Variants in F2R observed in about 807,000 individuals in gnomAD.
The protein encoded by F2R is coagulation factor II thrombin receptor.
F2R carries 12 observed loss-of-function variants against 18.3 expected under a neutral mutation model. The observed-to-expected ratio is 0.66, with a 90% CI of 0.42 to 1.06. The LOEUF is 1.06. Among genes scored for constraint, F2R ranks in the 50% least tolerant of loss-of-function variants. F2R has a pLI of 0.00. For synonymous variants in F2R, 210 were observed against 219.9 expected (o/e 0.95, Z 0.40); for missense variants, 438 against 530.8 (o/e 0.83, Z 1.72).
At chr5:76,716,435 C>T in intron 1 of F2R, 40 bp downstream of exon 1, 7 of 1,383,606 alleles carry the variant, frequency 5.1e-6, no homozygotes, top group Admixed American at 3.2e-5. Flanking sequence ...GGCGGAGGGA[C>T]GCCGAGGGGA....
At chr5:76,725,334 A>G (rs1324700435) in intron 1 of F2R, among the ~76,000 whole-genome samples, 1 of 152,234 alleles carries the variant, frequency 6.6e-6, no homozygotes, top group Admixed American at 6.5e-5. Flanking sequence ...AGAGCAATTT[A>G]GAAGAGCCTA....
At position 76,733,133 on chromosome 5, in the gene F2R, C is replaced by T. The variant is rs1254419720; in HGVS notation, c.908C>T (p.Ala303Val). 6.2e-7 allele frequency: 1 copy of T among 1,614,084 alleles called. No homozygotes were observed. The highest frequency in any genetic ancestry group is 8.5e-7 in the Non-Finnish European group (1 of 1,180,042). The change falls in exon 2 of 2, where the codon GCC (alanine) becomes GTC (valine). Residue 303 changes from alanine (A) to valine (V), a missense_variant. Coordinates refer to ENST00000319211, the MANE Select transcript of F2R (RefSeq NM_001992.5). ...CGATGTCTTAGCTCTTCCGCAGTTGCCAACCGCAGCAAGAAGTCCCGGGCT... is the reference window on the plus strand; with the variant it reads ...CGATGTCTTAGCTCTTCCGCAGTTGTCAACCGCAGCAAGAAGTCCCGGGCT... ...IIRCLSSSAV[A>V]NRSKKSRALF...
intron 1 of F2R, among the ~76,000 whole-genome samples, chr5:76,723,946 A>T (rs1305549463): frequency 6.6e-6 from 1 of 152,222 alleles, no homozygotes; most frequent in Non-Finnish European, 1.5e-5. Flanking sequence ...CAAATCCCAG[A>T]TATCATATTA....
intron 1 of F2R, among the ~76,000 whole-genome samples, chr5:76,726,736 CA>C (rs1748567091): frequency 6.6e-6 from 1 of 152,092 alleles, no homozygotes; most frequent in East Asian, 1.9e-4. Context: ...AGCATTTTTG[CA>C]TATGCATGTT....
At chr5:76,720,715 A>G (rs1374086902) in intron 1 of F2R, among the ~76,000 whole-genome samples, 1 of 152,046 alleles carries the variant, frequency 6.6e-6, no homozygotes, top group Non-Finnish European at 1.5e-5. Context: ...TTTTTTCTCT[A>G]TGGATTTACC....
chr5:76,723,740 A>G (rs1748509193), intron 1 of F2R, among the ~76,000 whole-genome samples: 1 of 152,232 alleles, frequency 6.6e-6, no homozygotes, highest in Non-Finnish European at 1.5e-5. Context: ...CTTAACTTCT[A>G]GTGGCAAATA....
At chr5:76,728,114 T>C (rs1748604493) in intron 1 of F2R, among the ~76,000 whole-genome samples, 1 of 152,148 alleles carries the variant, frequency 6.6e-6, no homozygotes, top group Non-Finnish European at 1.5e-5. Context: ...ACATAATGTT[T>C]TGAAATATGC....
chr5:76,727,459 A>T (rs1438730214), intron 1 of F2R, among the ~76,000 whole-genome samples: 1 of 152,324 alleles, frequency 6.6e-6, no homozygotes, highest in East Asian at 1.9e-4. Flanking sequence ...GGATCAATGT[A>T]GACACAAGTG....
intron 1 of F2R, among the ~76,000 whole-genome samples, chr5:76,730,429 C>T (rs967226459): frequency 4.6e-5 from 7 of 152,174 alleles, no homozygotes; most frequent in Non-Finnish European, 1.0e-4. Flanking sequence ...GTTTTAGTCA[C>T]CTTTTATGTT....
At position 76,716,321 on chromosome 5, in the gene F2R, G is replaced by A. The variant is rs1748340957; in HGVS notation, c.14G>A (p.Arg5Gln). 2 of 1,417,264 alleles carry A rather than the reference G, an allele frequency of 1.4e-6. No homozygotes were observed. Among genetic ancestry groups the A allele is most frequent in the African/African-American group, 3.0e-5 (2 of 67,100 alleles). The allele number at this position is 1,417,264 out of a possible 1,614,324, so 87.8% of individuals were successfully genotyped here. ...GAGCCCGGGACAATGGGGCCGCGGC[G>A]GCTGCTGCTGGTGGCCGCCTGCTTC... is the stretch of plus-strand genomic sequence containing the variant. The part of the protein sequence containing the change: MGPR[R>Q]LLLVAACFSL... The change falls in exon 1 of 2, where the codon CGG (arginine) becomes CAG (glutamine). Residue 5 changes from arginine (R) to glutamine (Q), a missense_variant. Transcript: ENST00000319211.
intron 1 of F2R, among the ~76,000 whole-genome samples, chr5:76,721,002 T>A (rs1748442597): frequency 1.3e-5 from 2 of 152,178 alleles, no homozygotes; most frequent in South Asian, 2.1e-4. Flanking sequence ...AGACGAGATT[T>A]TATCACACTG....
At chr5:76,731,807 C>T (rs144762283) in intron 1 of F2R, among the ~76,000 whole-genome samples, 17 of 152,238 alleles carry the variant, frequency 1.1e-4, no homozygotes, top group African/African-American at 3.9e-4. Flanking sequence ...GGATTACAGA[C>T]GTGACCCACT....
chr5:76,732,474 A>G lies in F2R; in HGVS notation c.249A>G (p.Gln83=). The G allele has an allele frequency of 6.2e-7, 1 of 1,614,174 alleles. No individual in the cohort carries two copies. Among genetic ancestry groups the G allele is most frequent in the Non-Finnish European group, 8.5e-7 (1 of 1,180,028 alleles). Residue 83 remains glutamine (Q), a synonymous_variant, in exon 2 of 2, where the codon CAA becomes CAG. Transcript: ENST00000319211. The part of the protein sequence containing the change: ...SINKSSPLQK[Q]LPAFISEDAS... ...ATAAAAGCAGTCCTCTTCAAAAACA[A>G]CTTCCTGCATTCATCTCAGAAGATG...
chr5:76,722,642 A>T (rs2150580912), intron 1 of F2R, among the ~76,000 whole-genome samples: 1 of 152,170 alleles, frequency 6.6e-6, no homozygotes, highest in South Asian at 2.1e-4. Context: ...CTTCTTCTGA[A>T]CCCCAGTCAG....
intron 1 of F2R, among the ~76,000 whole-genome samples, chr5:76,717,989 A>G (rs1458027928): frequency 6.6e-6 from 1 of 152,180 alleles, no homozygotes; most frequent in East Asian, 1.9e-4. Flanking sequence ...GTTTATCAAC[A>G]CTGGATTCTG....
intron 1 of F2R, chr5:76,716,622 C>T: frequency 1.4e-6 from 1 of 731,210 alleles, no homozygotes; most frequent in Non-Finnish European, 2.5e-6. Context: ...AGGGTGCAGC[C>T]CGCCTGCCAC....
chr5:76,717,381 AT>A (rs997924151), intron 1 of F2R, among the ~76,000 whole-genome samples: 2 of 152,044 alleles, frequency 1.3e-5, no homozygotes, highest in Admixed American at 6.6e-5. Flanking sequence ...GCTTTGAGCC[AT>A]TTTTTTTACG....
chr5:76,726,501 C>T (rs1342042508), intron 1 of F2R, among the ~76,000 whole-genome samples: 1 of 150,574 alleles, frequency 6.6e-6, no homozygotes, highest in African/African-American at 2.5e-5. Flanking sequence ...AGCGCCACTG[C>T]AGTCCGGCCT....
intron 1 of F2R, among the ~76,000 whole-genome samples, chr5:76,725,652 CT>C (rs2227781): frequency 2.0e-5 from 3 of 151,542 alleles, no homozygotes; most frequent in African/African-American, 7.3e-5. Flanking sequence ...TTCCGACATT[CT>C]TTAATTTCAC....
Sources: allele counts gnomAD v4.1 joint callset (sites outside exome capture counted in the v4.1 genomes callset), GRCh38; gene constraint gnomAD v4.1.1; transcripts MANE v1.5; gene names NCBI Gene and HGNC (gene_info 2026-07-23, HGNC 2026-07-21).